The following ZNF678 variants were observed in gnomAD, a reference collection of about 807,000 sequenced individuals.
ZNF678 encodes the protein zinc finger protein 678, also known as hypothetical protein MGC42493.
Under a neutral mutation model 3.0 loss-of-function variants are expected in ZNF678, and 5 were observed. The ratio of observed to expected loss-of-function variants is 1.69; its 90% CI spans 0.88 to 3.56. The LOEUF is 3.56. Ranked by LOEUF, ZNF678 falls within the 30% of genes most tolerant of loss-of-function variation. The pLI, the probability that ZNF678 is intolerant of heterozygous loss-of-function variation, is 0.00. For missense variants in ZNF678, 593 were observed against 605.0 expected (o/e 0.98, Z 0.21); for synonymous variants, 218 against 199.6 (o/e 1.09, Z -0.78).
In ZNF678 at chr1:227,638,839, A is replaced by G. The variant is rs561528961; in HGVS notation, c.-163-7705A>G. On this transcript the variant is annotated intron_variant, in intron 1 of 3. Transcript: ENST00000343776. This position sits in a 1 kb window ranked among gnomAD's most constrained non-coding sequence, Gnocchi z 4.2. ...GGGCTTGGGGTTTGGAGAGTTGTCCATCAATTCCCACAACAGAGACTTGGG... is the reference window on the plus strand; with the variant it reads ...GGGCTTGGGGTTTGGAGAGTTGTCCGTCAATTCCCACAACAGAGACTTGGG... Among the ~76,000 whole-genome samples the G allele has an allele frequency of 6.6e-6, 1 of 152,106 alleles. No individual in the cohort carries two copies. The highest frequency in any genetic ancestry group is 1.5e-5 in the Non-Finnish European group (1 of 68,004).
At chr1:227,606,829 G>A (rs192951215) in intron 1 of ZNF678, among the ~76,000 whole-genome samples, 9 of 152,284 alleles carry the variant, frequency 5.9e-5, no homozygotes, top group Admixed American at 5.9e-4. Context: ...GGCACACCCT[G>A]CACAGCCCCA....
chr1:227,586,061 G>A (rs767768338), intron 1 of ZNF678, among the ~76,000 whole-genome samples: 15 of 151,842 alleles, frequency 9.9e-5, no homozygotes, highest in Non-Finnish European at 1.5e-4. Context: ...GATGATTTGC[G>A]CTACAGGTCC....
intron 1 of ZNF678, among the ~76,000 whole-genome samples, chr1:227,611,671 C>T (rs1658023917): frequency 6.6e-6 from 1 of 152,174 alleles, no homozygotes; most frequent in South Asian, 2.1e-4. Context: ...AATAATAATA[C>T]TGCTTGACTC....
At chr1:227,596,707 ATAAAT>A (rs146283372) in intron 1 of ZNF678, among the ~76,000 whole-genome samples, 32,682 of 151,980 alleles carry the variant, frequency 0.22, 3,950 homozygotes, top group African/African-American at 0.33. Flanking sequence ...GAATGTTAAA[ATAAAT>A]TAATAATTCA....
intron 1 of ZNF678, among the ~76,000 whole-genome samples, chr1:227,604,008 TATTTA>T (rs1472734298): frequency 6.6e-6 from 1 of 152,254 alleles, no homozygotes; most frequent in Non-Finnish European, 1.5e-5. Flanking sequence ...CATGTAGCAT[TATTTA>T]ATTCATTTTG....
chr1:227,614,373 G>A (rs1030311957), intron 1 of ZNF678, among the ~76,000 whole-genome samples: 5 of 152,108 alleles, frequency 3.3e-5, no homozygotes, highest in African/African-American at 7.2e-5. Context: ...GTCTTTCCTC[G>A]TATTAAATGA....
rs1659336265 is a variant in ZNF678 at position 227,659,280 on chromosome 1, A to G, written c.*3452A>G. The G allele has an allele frequency of 1.3e-5, 2 of 152,176 alleles. No homozygotes were observed. The highest frequency in any genetic ancestry group is 2.4e-5 in the African/African-American group (1 of 41,452). 9.4% of individuals were successfully genotyped at this position (152,176 alleles called of 1,614,324 possible). The stretch of plus-strand genomic sequence containing the variant: ...TTTTATTTAAATGGATGCAGCTTAC[A>G]TTGCAGAGTTTATATAAATAATCAC... On this transcript the variant is annotated 3_prime_UTR_variant, in exon 4 of 4. Coordinates refer to ENST00000343776, the MANE Select transcript of ZNF678 (RefSeq NM_001367909.1).
intron 1 of ZNF678, among the ~76,000 whole-genome samples, chr1:227,595,036 G>A (rs536469215): frequency 1.3e-5 from 2 of 152,286 alleles, no homozygotes; most frequent in African/African-American, 2.4e-5. Flanking sequence ...TTCGGGATAC[G>A]CCCTTGTTTA....
chr1:227,591,965 G>C (rs1399052481), intron 1 of ZNF678, among the ~76,000 whole-genome samples: 1 of 152,158 alleles, frequency 6.6e-6, no homozygotes. Flanking sequence ...GTTTCCGCGT[G>C]TGACTGGAGG....
chr1:227,669,603 C>T (rs563892480), intron 5 of ZNF678, among the ~76,000 whole-genome samples: 5 of 150,174 alleles, frequency 3.3e-5, no homozygotes, highest in Admixed American at 6.7e-5. Flanking sequence ...GAGCTGAAAT[C>T]GTGCCACTGC....
intron 1 of ZNF678, among the ~76,000 whole-genome samples, chr1:227,643,302 A>G (rs968456310): frequency 6.6e-6 from 1 of 152,200 alleles, no homozygotes; most frequent in Non-Finnish European, 1.5e-5. Flanking sequence ...CTAAAGGTTT[A>G]TATTATATTT....
At chr1:227,618,029 C>A (rs574240992) in intron 1 of ZNF678, among the ~76,000 whole-genome samples, 1 of 152,308 alleles carries the variant, frequency 6.6e-6, no homozygotes, top group South Asian at 2.1e-4. Context: ...TGACTATAGC[C>A]ACCCCTGAGT....
intron 1 of ZNF678, among the ~76,000 whole-genome samples, chr1:227,590,159 C>G (rs1238223490): frequency 6.6e-6 from 1 of 151,712 alleles, no homozygotes; most frequent in Non-Finnish European, 1.5e-5. Flanking sequence ...TTAAATCCTC[C>G]TAGCACTGGG....
intron 1 of ZNF678, among the ~76,000 whole-genome samples, chr1:227,595,193 T>G (rs1657531259): frequency 6.6e-6 from 1 of 151,850 alleles, no homozygotes; most frequent in South Asian, 2.1e-4. Context: ...TATCTCTCTC[T>G]CTTTCTTTCT....
At chr1:227,667,966 A>G (rs1659537281) in intron 5 of ZNF678, among the ~76,000 whole-genome samples, 1 of 152,212 alleles carries the variant, frequency 6.6e-6, no homozygotes, top group African/African-American at 2.4e-5. Context: ...GAGTTTATTG[A>G]AAATACAGAT....
intron 1 of ZNF678, among the ~76,000 whole-genome samples, chr1:227,599,511 C>T (rs894774979): frequency 2.4e-4 from 36 of 152,018 alleles, no homozygotes; most frequent in African/African-American, 7.5e-4. Flanking sequence ...AGTTTGGAGG[C>T]ACTTTAGTGT....
chr1:227,600,097 A>G (rs763540954), intron 1 of ZNF678, among the ~76,000 whole-genome samples: 8 of 152,044 alleles, frequency 5.3e-5, no homozygotes, highest in Non-Finnish European at 1.2e-4. Context: ...GCTAATAATA[A>G]TGGCCTCCCA....
At chr1:227,610,613 G>A (rs1657992911) in intron 1 of ZNF678, among the ~76,000 whole-genome samples, 1 of 152,114 alleles carries the variant, frequency 6.6e-6, no homozygotes, top group African/African-American at 2.4e-5. Context: ...ACAAGCTCTG[G>A]TGTTACTTCC....
At chr1:227,610,789 A>G (rs1251283488) in intron 1 of ZNF678, among the ~76,000 whole-genome samples, 2 of 151,974 alleles carry the variant, frequency 1.3e-5, no homozygotes, top group Non-Finnish European at 2.9e-5. Context: ...TATAATATCC[A>G]CTCAAGTAGG....
Sources: allele counts gnomAD v4.1 joint callset (sites outside exome capture counted in the v4.1 genomes callset), GRCh38; gene constraint gnomAD v4.1.1; non-coding constraint Gnocchi (gnomAD v3.1); transcripts MANE v1.5; gene names NCBI Gene and HGNC (gene_info 2026-07-23, HGNC 2026-07-21).